FBP2: variants seen among roughly 807,000 people sequenced by gnomAD.
FBP2 encodes fructose-bisphosphatase 2.
FBP2 carries 27 observed loss-of-function variants against 31.6 expected under a neutral mutation model. That is an observed-to-expected ratio of 0.85 (90% CI 0.63 to 1.18). FBP2 has a LOEUF of 1.18. Among genes scored for constraint, FBP2 ranks in the 50% most tolerant of loss-of-function variants. The probability of loss-of-function intolerance (pLI) is 0.00; values close to 1 mark genes in which losing one functional copy is unlikely to be tolerated. For synonymous variants in FBP2, 168 were observed against 179.8 expected (o/e 0.93, Z 0.53); for missense variants, 421 against 436.1 (o/e 0.97, Z 0.31).
Position 94,584,588 on chromosome 9 carries a change from T to G in FBP2, c.415A>C (p.Ile139Leu). Residue 139 changes from isoleucine to leucine, a missense_variant, in exon 3 of 7, where the codon ATC becomes CTC. By Grantham distance (5) the Ile-to-Leu change is conservative (BLOSUM62 2). Transcript: ENST00000375337. The part of the protein sequence containing the change: ...CLASIGTIFA[I>L]YRKTSEDEPS... ...GCCTGTCTACTCACCTTTCTATAGA[T>G]GGCAAAGATGGTTCCGATGGAGGCC... 1.9e-6 allele frequency: 3 copies of G among 1,609,850 alleles called. No individual in the cohort carries two copies. Among genetic ancestry groups the G allele is most frequent in the East Asian group, 2.2e-5 (1 of 44,860 alleles).
intron 3 of FBP2, among the ~76,000 whole-genome samples, chr9:94,573,928 T>A (rs969155954): frequency 6.6e-6 from 1 of 152,190 alleles, no homozygotes; most frequent in Non-Finnish European, 1.5e-5. Context: ...GTAAACCATC[T>A]GAGCCTGGAG....
chr9:94,593,653 G>T lies in FBP2; in HGVS notation c.74C>A (p.Ala25Asp). 1 of 1,614,230 alleles carries T rather than the reference G, an allele frequency of 6.2e-7. No individual in the cohort carries two copies. The highest frequency in any genetic ancestry group is 8.5e-7 in the Non-Finnish European group (1 of 1,180,036). Residue 25 changes from alanine (A) to aspartate (D), a missense_variant, in exon 1 of 7, where the codon GCC (alanine) becomes GAC (aspartate). Coordinates refer to ENST00000375337, the MANE Select transcript of FBP2 (RefSeq NM_003837.4). ...TRYVMEKGRQ[A>D]KGTGELTQLL... Reference sequence around the variant, plus strand: ...CTGGGTGAGCTCCCCAGTCCCTTTGGCCTGACGCCCCTTTTCCATAACGTA... The same window carrying T: ...CTGGGTGAGCTCCCCAGTCCCTTTGTCCTGACGCCCCTTTTCCATAACGTA...
At chr9:94,560,066 G>A (rs639498) in intron 6 of FBP2, among the ~76,000 whole-genome samples, 147,705 of 152,316 alleles carry the variant, frequency 0.97, 71,625 homozygotes, top group East Asian at 1. Context: ...TCAAGGCTGC[G>A]GTGAGCTGTG....
chr9:94,563,451 G>A lies in FBP2; in HGVS notation c.716C>T (p.Ala239Val), dbSNP rs750547827. The part of the protein sequence containing the change: ...QKKKFPEDGS[A>V]PYGARYVGSM... ...GCCCACATACCTGGCCCCATAGGGAGCACTGCCATCCTAGAAGACAGAAAG... is the reference window on the plus strand; with the variant it reads ...GCCCACATACCTGGCCCCATAGGGAACACTGCCATCCTAGAAGACAGAAAG... The change falls in exon 6 of 7, where the codon GCT (alanine) becomes GTT (valine). Residue 239 changes from alanine to valine, a missense_variant. Transcript: ENST00000375337. 8.1e-6 allele frequency: 13 copies of A among 1,613,468 alleles called. No homozygotes were observed. Among genetic ancestry groups the A allele is most frequent in the Middle Eastern group, 1.6e-4 (1 of 6,082 alleles).
At chr9:94,589,410 C>CCAT in intron 1 of FBP2, among the ~76,000 whole-genome samples, 1 of 152,302 alleles carries the variant, frequency 6.6e-6, no homozygotes, top group East Asian at 1.9e-4. Flanking sequence ...CAGAAACACC[C>CCAT]CATCATCCCT....
chr9:94,579,597 T>C (rs1254370262), intron 3 of FBP2, among the ~76,000 whole-genome samples: 2 of 152,122 alleles, frequency 1.3e-5, no homozygotes, highest in Non-Finnish European at 2.9e-5. Context: ...TAAAAGGGGA[T>C]TCTTTATAAT....
At chr9:94,570,085 CTT>C (rs1054614008) in intron 4 of FBP2, 1 of 152,226 alleles carries the variant, frequency 6.6e-6, no homozygotes, top group African/African-American at 2.4e-5. Context: ...TGGTTCATCT[CTT>C]CCTTCTGTCA....
chr9:94,562,201 C>T (rs999335039), intron 6 of FBP2, among the ~76,000 whole-genome samples: 5 of 150,494 alleles, frequency 3.3e-5, no homozygotes, highest in African/African-American at 1.2e-4. Flanking sequence ...GTCCCAGCTA[C>T]TCTGAGGCTG....
intron 6 of FBP2, 118 bp from the exon 7 acceptor site, chr9:94,559,250 G>A (rs1024215822): frequency 1.6e-5 from 13 of 789,150 alleles, no homozygotes; most frequent in Middle Eastern, 3.8e-4. Context: ...TAGCATGAGC[G>A]CACCATGCAC....
At chr9:94,583,619 TGA>T (rs2131457613) in intron 3 of FBP2, among the ~76,000 whole-genome samples, 1 of 152,314 alleles carries the variant, frequency 6.6e-6, no homozygotes, top group African/African-American at 2.4e-5. Flanking sequence ...ATTGTTTGTT[TGA>T]GAGAGTCTTG....
intron 2 of FBP2, 86 bp from the exon 3 acceptor site, chr9:94,584,755 ACAC>A (rs1400255378): frequency 2.6e-6 from 2 of 783,648 alleles, no homozygotes; most frequent in Non-Finnish European, 4.5e-6. Context: ...GTGGCAGAGT[ACAC>A]CACATCAAAA....
intron 1 of FBP2, among the ~76,000 whole-genome samples, chr9:94,591,321 G>C (rs1053083188): frequency 1.3e-5 from 2 of 152,352 alleles, no homozygotes; most frequent in South Asian, 4.1e-4. Context: ...GCGAGAAATC[G>C]AGCGCAGCGC....
At chr9:94,571,174 TAAGCCA>T (rs1011615588) in intron 4 of FBP2, among the ~76,000 whole-genome samples, 7 of 152,174 alleles carry the variant, frequency 4.6e-5, no homozygotes, top group Non-Finnish European at 1.0e-4. Context: ...GGCATTCTCA[TAAGCCA>T]AAGAGATTGA....
chr9:94,590,090 C>A (rs1827475258), intron 1 of FBP2, among the ~76,000 whole-genome samples: 7 of 152,116 alleles, frequency 4.6e-5, no homozygotes. Context: ...CCTGCACCCT[C>A]TCTCCAGGCA....
At chr9:94,560,427 A>G (rs1827079510) in intron 6 of FBP2, among the ~76,000 whole-genome samples, 2 of 152,146 alleles carry the variant, frequency 1.3e-5, no homozygotes, top group African/African-American at 4.8e-5. Context: ...CTCACAACAC[A>G]CACCCCCATC....
intron 5 of FBP2, among the ~76,000 whole-genome samples, chr9:94,563,876 G>A (rs992980171): frequency 6.6e-6 from 1 of 152,076 alleles, no homozygotes; most frequent in East Asian, 1.9e-4. Flanking sequence ...AACCAATAAA[G>A]TTCAAAAAAG....
chr9:94,592,601 C>T (rs1827514328), intron 1 of FBP2, among the ~76,000 whole-genome samples: 1 of 152,224 alleles, frequency 6.6e-6, no homozygotes, highest in Admixed American at 6.5e-5. Flanking sequence ...GTGGTACGAT[C>T]TCGACTCACC....
intron 6 of FBP2, among the ~76,000 whole-genome samples, chr9:94,561,054 C>T (rs1439119439): frequency 3.9e-5 from 6 of 152,028 alleles, no homozygotes; most frequent in Non-Finnish European, 8.8e-5. Flanking sequence ...CCATGCTGTC[C>T]AGGACAGTCT....
intron 3 of FBP2, chr9:94,572,990 T>A (rs1827284473): frequency 6.6e-6 from 1 of 152,180 alleles, no homozygotes; most frequent in Non-Finnish European, 1.5e-5. Context: ...TTCCTTGGGA[T>A]TTTCTACATA....
Sources: allele counts gnomAD v4.1 joint callset (sites outside exome capture counted in the v4.1 genomes callset), GRCh38; gene constraint gnomAD v4.1.1; transcripts MANE v1.5; gene names NCBI Gene and HGNC (gene_info 2026-07-23, HGNC 2026-07-21).